Variants in SHTN1 observed in about 807,000 individuals in gnomAD.
SHTN1 encodes the protein shootin-1.
Under a neutral mutation model 83.1 loss-of-function variants are expected in SHTN1, and 42 were observed. The observed-to-expected ratio is 0.51, with a 90% CI of 0.39 to 0.65. The LOEUF (loss-of-function observed/expected upper bound fraction) is 0.65. Among genes scored for constraint, SHTN1 ranks in the 30% least tolerant of loss-of-function variants. The pLI is 0.00. For missense variants in SHTN1, 622 were observed against 737.8 expected, an observed-to-expected ratio of 0.84 and a Z score of 1.82; for synonymous variants, 224 against 247.7, an observed-to-expected ratio of 0.90 and a Z score of 0.90.
chr10:116,966,920 T>C (rs1327002189), intron 3 of SHTN1, among the ~76,000 whole-genome samples: 1 of 152,246 alleles, frequency 6.6e-6, no homozygotes, highest in Admixed American at 6.5e-5. Context: ...ATAAGAGGTA[T>C]TTCTAGCATA....
At chr10:117,088,625 G>A (rs1206093550) in intron 1 of SHTN1, among the ~76,000 whole-genome samples, 2 of 152,020 alleles carry the variant, frequency 1.3e-5, no homozygotes, top group African/African-American at 4.8e-5. Context: ...TCAATTTCAC[G>A]GCCACCCATT....
At chr10:116,927,206 G>C (rs1422012076) in intron 11 of SHTN1, among the ~76,000 whole-genome samples, 1 of 152,078 alleles carries the variant, frequency 6.6e-6, no homozygotes, top group African/African-American at 2.4e-5. Context: ...TAGCAAGACA[G>C]AAAAGTAAAC....
intron 2 of SHTN1, among the ~76,000 whole-genome samples, chr10:116,978,004 C>T (rs1850870962): frequency 6.6e-6 from 1 of 152,052 alleles, no homozygotes; most frequent in Non-Finnish European, 1.5e-5. Context: ...TTTATCACCT[C>T]CACCTACCAT....
chr10:116,893,131 T>C (rs1216425060), intron 16 of SHTN1, among the ~76,000 whole-genome samples: 1 of 152,178 alleles, frequency 6.6e-6, no homozygotes, highest in East Asian at 1.9e-4. Context: ...ACAATTAATC[T>C]GGAGGAAGTT....
chr10:116,951,472 G>C (rs1849775329), intron 6 of SHTN1, among the ~76,000 whole-genome samples: 1 of 152,090 alleles, frequency 6.6e-6, no homozygotes, highest in African/African-American at 2.4e-5. Context: ...ACAACCACTT[G>C]AACCCATCCT....
At chr10:116,924,911 C>T (rs573287261) in intron 11 of SHTN1, among the ~76,000 whole-genome samples, 12 of 152,088 alleles carry the variant, frequency 7.9e-5, no homozygotes, top group African/African-American at 2.2e-4. Flanking sequence ...GCACCCACCA[C>T]GCCTGGCTAA....
At chr10:116,962,720 T>G (rs892396826) in intron 3 of SHTN1, among the ~76,000 whole-genome samples, 1 of 152,208 alleles carries the variant, frequency 6.6e-6, no homozygotes, top group African/African-American at 2.4e-5. Context: ...GGGTAGTCCT[T>G]GCTCACATTT....
At chr10:116,917,530 G>C (rs1028981473) in intron 12 of SHTN1, among the ~76,000 whole-genome samples, 1 of 152,074 alleles carries the variant, frequency 6.6e-6, no homozygotes, top group Non-Finnish European at 1.5e-5. Context: ...TAAAACATTT[G>C]ATTTTTCAAA....
At position 116,881,741 on chromosome 10, in the gene SHTN1, T is replaced by G; in HGVS notation, c.*4603A>C. The G allele has an allele frequency of 2.6e-6, 3 of 1,165,104 alleles. No homozygotes were observed. Among genetic ancestry groups the G allele is most frequent in the Non-Finnish European group, 3.4e-6 (3 of 891,548 alleles). The allele number at this position is 1,165,104 out of a possible 1,614,324, so 72.2% of individuals were successfully genotyped here. ...CCGGGAGGTCTGAAGTACGGCGCCG[T>G]GTCTCCACATGGAGTTTCCTCTTCA... On this transcript the variant is annotated 3_prime_UTR_variant, in exon 17 of 17. Coordinates refer to ENST00000355371, the MANE Select transcript of SHTN1 (RefSeq NM_001127211.3).
chr10:117,045,148 T>C (rs893665441), intron 2 of SHTN1, among the ~76,000 whole-genome samples: 2 of 152,170 alleles, frequency 1.3e-5, no homozygotes, highest in Admixed American at 6.6e-5. Flanking sequence ...CATTCATTTA[T>C]GGAGAATAAT....
chr10:117,096,629 C>T (rs1363399133), intron 1 of SHTN1, among the ~76,000 whole-genome samples: 2 of 152,214 alleles, frequency 1.3e-5, no homozygotes, highest in African/African-American at 2.4e-5. Context: ...CCAAAAACAG[C>T]ATTTTCAATT....
At chr10:116,986,317 A>C (rs1851216638) in intron 1 of SHTN1, among the ~76,000 whole-genome samples, 1 of 152,218 alleles carries the variant, frequency 6.6e-6, no homozygotes, top group South Asian at 2.1e-4. Context: ...GAAGAGACAC[A>C]TAAGGCAGAT....
At chr10:117,088,586 A>G (rs924450386) in intron 1 of SHTN1, among the ~76,000 whole-genome samples, 2 of 152,196 alleles carry the variant, frequency 1.3e-5, no homozygotes, top group African/African-American at 2.4e-5. Flanking sequence ...ACAAACTTTC[A>G]GAGATGCAAT....
In SHTN1 at chr10:116,927,784, G is replaced by A. The variant is rs376841304; in HGVS notation, c.1112+8C>T. 1.2e-5 allele frequency: 18 copies of A among 1,557,322 alleles called. No individual in the cohort carries two copies. The highest frequency in any genetic ancestry group is 8.3e-5 in the African/African-American group (6 of 72,220). On this transcript the variant is annotated splice_region_variant and intron_variant, in intron 11 of 16. Transcript: ENST00000355371. The stretch of plus-strand genomic sequence containing the variant: ...TTGATGCAGAGCAGTCTTCCTGGAT[G>A]TGCTTACCGGATAGGATTGGGAGGT...
At chr10:116,958,335 A>AT (rs1379344342) in intron 4 of SHTN1, among the ~76,000 whole-genome samples, 1 of 152,166 alleles carries the variant, frequency 6.6e-6, no homozygotes, top group Non-Finnish European at 1.5e-5. Context: ...GATTTAATCC[A>AT]TTTTTTAAAT....
At chr10:117,004,023 G>T (rs1851914926) in intron 1 of SHTN1, among the ~76,000 whole-genome samples, 1 of 152,080 alleles carries the variant, frequency 6.6e-6, no homozygotes, top group South Asian at 2.1e-4. Context: ...GGGTAGCTGG[G>T]ATTACAGGCA....
rs1229300046 is a variant in SHTN1 at position 116,911,824 on chromosome 10, C to T, written c.1325G>A (p.Cys442Tyr). 3.1e-6 allele frequency: 5 copies of T among 1,612,654 alleles called. No homozygotes were observed. Among genetic ancestry groups the T allele is most frequent in the African/African-American group, 1.3e-5 (1 of 74,886 alleles). ...TTTTAGTTCATCCACTGCACTTTCGCAGCCTTTCGAAGATTCTGGCTATAA... is the reference window on the plus strand; with the variant it reads ...TTTTAGTTCATCCACTGCACTTTCGTAGCCTTTCGAAGATTCTGGCTATAA... ...PKTKPESSKG[C>Y]ESAVDELKGI... Residue 442 changes from cysteine to tyrosine, a missense_variant, in exon 14 of 17, where the codon TGC becomes TAC. By Grantham distance (194) the Cys-to-Tyr change is radical (BLOSUM62 -2). Around this residue, in one of 3 missense-constraint regions of SHTN1, gnomAD observed 231 missense variants for 251.6 expected, o/e 0.92. Transcript: ENST00000355371.
At chr10:116,963,977 T>TTC (rs1554920682) in intron 3 of SHTN1, among the ~76,000 whole-genome samples, 1 of 142,188 alleles carries the variant, frequency 7.0e-6, no homozygotes, top group East Asian at 1.9e-4. Flanking sequence ...GTAACTGTTT[T>TTC]TTTTTTTTTT....
intron 12 of SHTN1, among the ~76,000 whole-genome samples, chr10:116,916,967 A>C (rs1848405589): frequency 6.6e-6 from 1 of 152,226 alleles, no homozygotes; most frequent in South Asian, 2.1e-4. Context: ...GCAACATGGG[A>C]AACATGGTCA....
Sources: gnomAD v4.1 joint callset for allele counts (sites outside exome capture counted in the v4.1 genomes callset) on GRCh38, gnomAD v4.1.1 for gene constraint, gnomAD v4.1.1 regional missense constraint, MANE v1.5 for transcripts, NCBI Gene and HGNC (gene_info 2026-07-23, HGNC 2026-07-21) for gene names.